The following PDE1A variants were observed in gnomAD, a reference collection of about 807,000 sequenced individuals.
PDE1A encodes the protein phosphodiesterase 1A, also known as dual specificity calcium/calmodulin-dependent 3',5'-cyclic nucleotide phosphodiesterase 1A.
Under a neutral mutation model 61.7 loss-of-function variants are expected in PDE1A, and 35 were observed. The observed-to-expected ratio is 0.57, with a 90% CI of 0.43 to 0.75. The LOEUF (loss-of-function observed/expected upper bound fraction) is 0.75, where lower values mean the gene tolerates loss of function less well. Among genes scored for constraint, PDE1A ranks in the 30% least tolerant of loss-of-function variants. The probability of loss-of-function intolerance (pLI) is 0.00; values close to 1 mark genes in which losing one functional copy is unlikely to be tolerated. For synonymous variants in PDE1A, 232 were observed against 213.2 expected (o/e 1.09, Z -0.77); for missense variants, 597 against 630.6 (o/e 0.95, Z 0.57).
chr2:182,259,611 G>A (rs1432484127), intron 2 of PDE1A, among the ~76,000 whole-genome samples: 5 of 152,126 alleles, frequency 3.3e-5, no homozygotes, highest in Admixed American at 1.3e-4. Flanking sequence ...CTTCCTTAAA[G>A]AAAGAGTATT....
chr2:182,645,807 A>G, the PDE1A span, among the ~76,000 whole-genome samples: 5 of 152,342 alleles, frequency 3.3e-5, no homozygotes, highest in Admixed American at 6.5e-5. Context: ...AGGTTATGCC[A>G]GCTTCTTGTT....
the PDE1A span, among the ~76,000 whole-genome samples, chr2:182,621,128 C>A: frequency 6.6e-6 from 1 of 152,140 alleles, no homozygotes; most frequent in African/African-American, 2.4e-5. Flanking sequence ...TGACACTCCG[C>A]CACATCCCAA....
intron 1 of PDE1A, among the ~76,000 whole-genome samples, chr2:182,307,859 A>G (rs1291159067): frequency 1.3e-5 from 2 of 152,178 alleles, no homozygotes; most frequent in Non-Finnish European, 2.9e-5. Flanking sequence ...GTCTAAAGAC[A>G]AAAACAAAAA....
At chr2:182,207,905 T>C (rs1687249497) in intron 7 of PDE1A, among the ~76,000 whole-genome samples, 1 of 152,262 alleles carries the variant, frequency 6.6e-6, no homozygotes, top group Non-Finnish European at 1.5e-5. Flanking sequence ...AGGCCATTGC[T>C]TCAGAGGGTG....
chr2:182,217,804 C>A (rs1688334036), intron 7 of PDE1A, among the ~76,000 whole-genome samples: 1 of 150,938 alleles, frequency 6.6e-6, no homozygotes, highest in Non-Finnish European at 1.5e-5. Flanking sequence ...AATAGGAACA[C>A]TTTTACACTG....
chr2:182,296,518 A>T (rs1186603939), intron 1 of PDE1A, among the ~76,000 whole-genome samples: 1 of 152,228 alleles, frequency 6.6e-6, no homozygotes, highest in Non-Finnish European at 1.5e-5. Context: ...ACCGATATAG[A>T]TATAGACCTT....
intron 1 of PDE1A, among the ~76,000 whole-genome samples, chr2:182,296,470 A>G (rs1694891814): frequency 6.6e-6 from 1 of 152,232 alleles, no homozygotes; most frequent in African/African-American, 2.4e-5. Context: ...TGATATAGAT[A>G]TACAGATATA....
At chr2:182,157,419 G>T (rs1691152591) in intron 13 of PDE1A, among the ~76,000 whole-genome samples, 1 of 152,076 alleles carries the variant, frequency 6.6e-6, no homozygotes. Context: ...TTCAAACATA[G>T]CAAGAGCTAT....
the PDE1A span, among the ~76,000 whole-genome samples, chr2:182,711,281 T>C: frequency 6.6e-6 from 1 of 152,090 alleles, no homozygotes; most frequent in Admixed American, 6.5e-5. Context: ...GCATCAGCAA[T>C]AGAAGATTGG....
chr2:182,514,587 A>T (rs1046762291), intron 2 of PDE1A, among the ~76,000 whole-genome samples: 2 of 152,216 alleles, frequency 1.3e-5, no homozygotes, highest in Non-Finnish European at 2.9e-5. Flanking sequence ...CCTATTCAAT[A>T]AACCATGCTG....
chr2:182,462,301 T>A (rs951053574), intron 2 of PDE1A, among the ~76,000 whole-genome samples: 20 of 151,290 alleles, frequency 1.3e-4, no homozygotes, highest in African/African-American at 4.6e-4. Context: ...ACTTAAAGTA[T>A]AATAAAAAAA....
At chr2:182,513,851 G>A (rs1341781589) in intron 2 of PDE1A, among the ~76,000 whole-genome samples, 1 of 152,072 alleles carries the variant, frequency 6.6e-6, no homozygotes, top group East Asian at 1.9e-4. Context: ...GGACAAAGAA[G>A]GGCATTACAT....
At chr2:182,518,054 A>C (rs1166743680) in intron 2 of PDE1A, among the ~76,000 whole-genome samples, 1 of 152,194 alleles carries the variant, frequency 6.6e-6, no homozygotes, top group African/African-American at 2.4e-5. Flanking sequence ...TTAGAGGAGA[A>C]TCCAAAGATC....
intron 1 of PDE1A, among the ~76,000 whole-genome samples, chr2:182,396,910 G>A (rs1255803999): frequency 6.6e-6 from 1 of 152,170 alleles, no homozygotes; most frequent in Non-Finnish European, 1.5e-5. Context: ...ACCTCTGGTT[G>A]TATTGACTGG....
intron 2 of PDE1A, among the ~76,000 whole-genome samples, chr2:182,243,729 A>G (rs981574283): frequency 5.3e-5 from 8 of 152,310 alleles, no homozygotes; most frequent in African/African-American, 1.9e-4. Context: ...TAGTTTAGTT[A>G]ACTGAGCACA....
chr2:182,282,796 C>T (rs1693898643), intron 1 of PDE1A, among the ~76,000 whole-genome samples: 1 of 151,984 alleles, frequency 6.6e-6, no homozygotes, highest in Admixed American at 6.6e-5. Flanking sequence ...TGTTAGTCCT[C>T]AATTACAATT....
At chr2:182,272,625 A>T (rs1434496541) in intron 1 of PDE1A, among the ~76,000 whole-genome samples, 3 of 152,122 alleles carry the variant, frequency 2.0e-5, no homozygotes, top group African/African-American at 7.2e-5. Context: ...TTACAATAAG[A>T]GGTATGTGTC....
chr2:182,260,253 A>G (rs1030861039), intron 2 of PDE1A, among the ~76,000 whole-genome samples: 2 of 152,208 alleles, frequency 1.3e-5, no homozygotes, highest in African/African-American at 2.4e-5. Context: ...ACATTCAAAC[A>G]ATACCTCTCT....
intron 7 of PDE1A, among the ~76,000 whole-genome samples, chr2:182,210,612 T>C (rs10930992): frequency 0.72 from 108,863 of 152,008 alleles, 39,278 homozygotes; most frequent in East Asian, 0.91. Flanking sequence ...GTCTTTTTAG[T>C]CTCTTGATAG....
Sources: gnomAD v4.1 joint callset for allele counts (sites outside exome capture counted in the v4.1 genomes callset) on GRCh38, gnomAD v4.1.1 for gene constraint, MANE v1.5 for transcripts, NCBI Gene and HGNC (gene_info 2026-07-23, HGNC 2026-07-21) for gene names.